The following SND1 variants were observed in gnomAD, a reference collection of about 807,000 sequenced individuals.
The protein encoded by SND1 is staphylococcal nuclease domain-containing protein 1.
A neutral mutation model predicts 121.7 loss-of-function variants in SND1; 38 were observed. That is an observed-to-expected ratio of 0.31 (90% CI 0.24 to 0.41). SND1 has a LOEUF of 0.41. Ranked by LOEUF, SND1 falls within the 10% of genes least tolerant of loss-of-function variation. The pLI, the probability that SND1 is intolerant of heterozygous loss-of-function variation, is 1.00. For synonymous variants in SND1, 401 were observed against 447.4 expected, an observed-to-expected ratio of 0.90 and a Z score of 1.31; for missense variants, 868 against 1,184.6, an observed-to-expected ratio of 0.73 and a Z score of 3.92.
chr7:128,065,755 G>A (rs1023267762), intron 16 of SND1, among the ~76,000 whole-genome samples: 1 of 152,196 alleles, frequency 6.6e-6, no homozygotes, highest in Non-Finnish European at 1.5e-5. Context: ...GATAAAGAAC[G>A]GACGCACCGA....
In SND1 at chr7:127,813,513, G is replaced by T. The variant is rs892684236; in HGVS notation, c.1242+5940G>T. 3.3e-5 allele frequency among the ~76,000 whole-genome samples: 5 copies of T among 152,252 alleles called. No homozygotes were observed. The East Asian group carries it at 9.6e-4, about 29-fold the overall frequency. ...TCTTTGAGGACTATCAGGGTGTTGA[G>T]CTGAGCACACATTTCTTTGGTGAAG... On this transcript the variant is annotated intron_variant, in intron 11 of 23. Transcript: ENST00000354725.
At chr7:127,672,229 T>G (rs1437305475) in intron 1 of SND1, among the ~76,000 whole-genome samples, 1 of 152,144 alleles carries the variant, frequency 6.6e-6, no homozygotes, top group African/African-American at 2.4e-5. Context: ...ATCCCTTTCA[T>G]ACTTTAATAC....
chr7:128,037,343 C>T (rs1414085658), intron 16 of SND1, among the ~76,000 whole-genome samples: 3 of 152,164 alleles, frequency 2.0e-5, no homozygotes, highest in Non-Finnish European at 4.4e-5. Flanking sequence ...TTCTGTCTGC[C>T]TCTCTCCTCT....
chr7:127,873,374 GCCACCTTT>G (rs1348650739), intron 12 of SND1, among the ~76,000 whole-genome samples: 1 of 152,064 alleles, frequency 6.6e-6, no homozygotes, highest in Non-Finnish European at 1.5e-5. Flanking sequence ...TCACTACCCA[GCCACCTTT>G]CCTGGACTCC....
At chr7:127,679,320 T>A (rs1795668219) in intron 1 of SND1, 1 of 152,214 alleles carries the variant, frequency 6.6e-6, no homozygotes, top group East Asian at 1.9e-4. Flanking sequence ...TAAAAAAATT[T>A]TTTTGTTAAT....
chr7:127,711,509 T>A (rs1258299921), intron 9 of SND1, among the ~76,000 whole-genome samples: 1 of 152,128 alleles, frequency 6.6e-6, no homozygotes, highest in Non-Finnish European at 1.5e-5. Context: ...CTTATATATT[T>A]TTTTCTTTCT....
intron 17 of SND1, among the ~76,000 whole-genome samples, chr7:128,080,426 G>A (rs1793578356): frequency 6.6e-6 from 1 of 152,278 alleles, no homozygotes; most frequent in Non-Finnish European, 1.5e-5. Context: ...CAGCTTCTGG[G>A]CTGAGGTCAG....
At chr7:127,940,366 T>C (rs1034399405) in intron 15 of SND1, among the ~76,000 whole-genome samples, 1 of 152,186 alleles carries the variant, frequency 6.6e-6, no homozygotes. Context: ...AGTAGTAATG[T>C]TGACAAGCTA....
At chr7:127,916,755 G>A (rs1386466926) in intron 14 of SND1, among the ~76,000 whole-genome samples, 1 of 152,194 alleles carries the variant, frequency 6.6e-6, no homozygotes, top group Non-Finnish European at 1.5e-5. Flanking sequence ...AAACTATCCA[G>A]TGGACAGTGC....
rs997625326 is a variant in SND1 at position 128,074,410 on chromosome 7, C to T, written c.1780-92C>T. The T allele has an allele frequency of 4.4e-6, 6 of 1,354,606 alleles. No homozygotes were observed. The South Asian group carries it at 8.9e-5, about 20-fold the overall frequency. 83.9% of individuals were successfully genotyped at this position (1,354,606 alleles called of 1,614,324 possible). A position where few individuals can be genotyped will look rare whatever the true frequency, so the allele number is the denominator to read the frequency against. ...CAGCGGCTGCCAAGGCCTGTGAGCC[C>T]AAGGCTTCGGCGCTGCTGTCCTCCC... is the stretch of plus-strand genomic sequence containing the variant. On this transcript the variant is annotated intron_variant, in intron 16 of 23. Transcript: ENST00000354725.
intron 12 of SND1, among the ~76,000 whole-genome samples, chr7:127,860,720 G>T (rs967332406): frequency 1.6e-4 from 25 of 152,300 alleles, no homozygotes; most frequent in Admixed American, 1.4e-3. Flanking sequence ...GGCAGTAAAA[G>T]GTGTTAATCT....
intron 16 of SND1, among the ~76,000 whole-genome samples, chr7:128,056,095 T>G (rs150817844): frequency 5.3e-5 from 8 of 152,360 alleles, no homozygotes; most frequent in African/African-American, 1.9e-4. Context: ...AAGGATTAAG[T>G]AAAACAACAT....
chr7:127,794,204 A>G (rs1198741118), intron 10 of SND1, among the ~76,000 whole-genome samples: 1 of 152,214 alleles, frequency 6.6e-6, no homozygotes, highest in African/African-American at 2.4e-5. Flanking sequence ...CAGGCTTAGA[A>G]TACTTTGAAT....
chr7:127,937,062 GAAT>G (rs66501636), intron 15 of SND1, among the ~76,000 whole-genome samples: 35,880 of 152,058 alleles, frequency 0.24, 4,807 homozygotes, highest in Middle Eastern at 0.33. Context: ...AATTGGAAGA[GAAT>G]AATAATTTGA....
intron 15 of SND1, among the ~76,000 whole-genome samples, chr7:127,931,263 G>C (rs1800951546): frequency 6.6e-6 from 1 of 152,114 alleles, no homozygotes; most frequent in South Asian, 2.1e-4. Flanking sequence ...CAGCCTTATT[G>C]CTTATATGGA....
At chr7:127,874,801 G>C (rs779289940) in intron 12 of SND1, among the ~76,000 whole-genome samples, 1 of 152,068 alleles carries the variant, frequency 6.6e-6, no homozygotes, top group Non-Finnish European at 1.5e-5. Context: ...GTAATTAAAT[G>C]TTTAATATAT....
At chr7:128,072,025 T>C (rs1249168384) in intron 16 of SND1, among the ~76,000 whole-genome samples, 1 of 152,204 alleles carries the variant, frequency 6.6e-6, no homozygotes, top group African/African-American at 2.4e-5. Context: ...CACCCTGCAG[T>C]GTTGGCCCCA....
chr7:127,858,218 TG>T, intron 12 of SND1: 1 of 782,930 alleles, frequency 1.3e-6, no homozygotes, highest in Non-Finnish European at 2.3e-6. Flanking sequence ...CCTCGTTTCC[TG>T]GTACATGCCA....
At chr7:127,786,665 A>G (rs1316001465) in intron 10 of SND1, among the ~76,000 whole-genome samples, 1 of 151,598 alleles carries the variant, frequency 6.6e-6, no homozygotes, top group Non-Finnish European at 1.5e-5. Flanking sequence ...GTTTTTTGAG[A>G]CGGAGTTTCG....
Sources: allele counts gnomAD v4.1 joint callset (sites outside exome capture counted in the v4.1 genomes callset), GRCh38; gene constraint gnomAD v4.1.1; transcripts MANE v1.5; gene names NCBI Gene and HGNC (gene_info 2026-07-23, HGNC 2026-07-21).